Variants in PLA2G12A observed in about 807,000 individuals in gnomAD.
PLA2G12A encodes the protein phospholipase A2 group XIIA, also known as group XIIA secretory phospholipase A2.
In PLA2G12A, 11 loss-of-function variants were observed where a neutral mutation model predicts 16.0. That is an observed-to-expected ratio of 0.69 (90% CI 0.43 to 1.13). The LOEUF (loss-of-function observed/expected upper bound fraction) is 1.13. Ranked by LOEUF, PLA2G12A falls within the 50% of genes most tolerant of loss-of-function variation. The pLI is 0.00. For synonymous variants in PLA2G12A, 77 were observed against 93.8 expected, an observed-to-expected ratio of 0.82 and a Z score of 1.03; for missense variants, 214 against 237.3, an observed-to-expected ratio of 0.90 and a Z score of 0.65.
chr4:109,720,063 A>G (rs2126167246), intron 1 of PLA2G12A, among the ~76,000 whole-genome samples: 1 of 152,356 alleles, frequency 6.6e-6, no homozygotes, highest in African/African-American at 2.4e-5. Context: ...AACCTATTCT[A>G]CTGTGAAATG....
chr4:109,717,675 G>C lies in PLA2G12A; in HGVS notation c.324C>G (p.Asn108Lys). 6.2e-7 allele frequency: 1 copy of C among 1,613,940 alleles called. No homozygotes were observed. The highest frequency in any genetic ancestry group is 8.5e-7 in the Non-Finnish European group (1 of 1,179,868). Reference protein sequence around the residue: ...IGIPSLTKCCNQHDRCYETCG... With the variant: ...IGIPSLTKCCKQHDRCYETCG... Reference sequence around the variant, plus strand: ...AGGTCTCATAGCACCTGTCGTGTTGGTTGCAACACTTTGTCAGGGAAGGGA... The same window carrying C: ...AGGTCTCATAGCACCTGTCGTGTTGCTTGCAACACTTTGTCAGGGAAGGGA... The change falls in exon 3 of 4, where the codon AAC becomes AAG. Residue 108 changes from asparagine (N) to lysine (K), a missense_variant. Coordinates refer to ENST00000243501, the MANE Select transcript of PLA2G12A (RefSeq NM_030821.5).
At chr4:109,720,513 G>C (rs1730903218) in intron 1 of PLA2G12A, among the ~76,000 whole-genome samples, 1 of 142,388 alleles carries the variant, frequency 7.0e-6, no homozygotes. Flanking sequence ...GGGAGGTTGA[G>C]GTGCCTGAGC....
At chr4:109,722,667 A>G (rs1722826251) in intron 1 of PLA2G12A, among the ~76,000 whole-genome samples, 1 of 152,236 alleles carries the variant, frequency 6.6e-6, no homozygotes, top group African/African-American at 2.4e-5. Flanking sequence ...ACCCAGTTTA[A>G]GGCATTTTGT....
At chr4:109,726,517 C>T (rs954004473) in intron 1 of PLA2G12A, among the ~76,000 whole-genome samples, 4 of 152,202 alleles carry the variant, frequency 2.6e-5, no homozygotes, top group Middle Eastern at 3.2e-3. Flanking sequence ...CGTCTTTTGT[C>T]TGGACTCCTG....
chr4:109,729,636 G>C lies in PLA2G12A; in HGVS notation c.174C>G (p.Gly58=). 6 of 1,611,894 alleles carry C rather than the reference G, an allele frequency of 3.7e-6. No individual in the cohort carries two copies. Among genetic ancestry groups the C allele is most frequent in the Non-Finnish European group, 5.1e-6 (6 of 1,179,792 alleles). Residue 58 remains glycine, a synonymous_variant, in exon 1 of 4, where the codon GGC becomes GGG. Coordinates refer to ENST00000243501, the MANE Select transcript of PLA2G12A (RefSeq NM_030821.5). ...ATTTATACTGGCAGAGACCGTCCTC[G>C]CCTCCCAGGAGGTCCAAGGCGGCGT... is the stretch of plus-strand genomic sequence containing the variant. ...YLNAALDLLG[G]EDGLCQYKCS...
At chr4:109,724,084 G>A (rs1353273114) in intron 1 of PLA2G12A, among the ~76,000 whole-genome samples, 2 of 152,072 alleles carry the variant, frequency 1.3e-5, no homozygotes, top group African/African-American at 2.4e-5. Flanking sequence ...ACCGATATGG[G>A]CCTATGGCTT....
chr4:109,715,402 G>T (rs1213954049), intron 3 of PLA2G12A, among the ~76,000 whole-genome samples: 1 of 152,028 alleles, frequency 6.6e-6, no homozygotes, highest in Non-Finnish European at 1.5e-5. Context: ...TTTGACTTGG[G>T]GATATGGGAG....
Position 109,717,595 on chromosome 4 carries a change from A to G in PLA2G12A, c.404T>C (p.Ile135Thr). ...TAGTGTTTTCTGTACATCTCGGCAGATCTTGGAGAGGCAATACTGGAATTC... is the reference window on the plus strand; with the variant it reads ...TAGTGTTTTCTGTACATCTCGGCAGGTCTTGGAGAGGCAATACTGGAATTC... ...DEEFQYCLSKICRDVQKTLGL... is the reference protein window; with the variant it reads ...DEEFQYCLSKTCRDVQKTLGL... Residue 135 changes from isoleucine (I) to threonine (T), a missense_variant, in exon 3 of 4, where the codon ATC becomes ACC. Ile to Thr is a moderately conservative substitution (Grantham distance 89). Coordinates refer to ENST00000243501, the MANE Select transcript of PLA2G12A (RefSeq NM_030821.5). 3.1e-6 allele frequency: 5 copies of G among 1,614,006 alleles called. No homozygotes were observed. Among genetic ancestry groups the G allele is most frequent in the Non-Finnish European group, 4.2e-6 (5 of 1,179,862 alleles).
chr4:109,727,474 T>C (rs1346857498), intron 1 of PLA2G12A, among the ~76,000 whole-genome samples: 1 of 152,166 alleles, frequency 6.6e-6, no homozygotes, highest in African/African-American at 2.4e-5. Flanking sequence ...TGAAACCACA[T>C]GTCCGTTAAA....
At chr4:109,726,679 G>C (rs1323449969) in intron 1 of PLA2G12A, among the ~76,000 whole-genome samples, 2 of 152,128 alleles carry the variant, frequency 1.3e-5, no homozygotes, top group African/African-American at 4.8e-5. Context: ...CCAGTTTTGT[G>C]TTCTATTTTT....
intron 1 of PLA2G12A, 30 bp downstream of exon 1, chr4:109,729,572 A>T (rs749978700): frequency 4.4e-6 from 7 of 1,596,168 alleles, no homozygotes; most frequent in Non-Finnish European, 5.1e-6. Flanking sequence ...CGAAAGCACG[A>T]GCCCTCGCTG....
At position 109,711,052 on chromosome 4, in the gene PLA2G12A, CCTT is replaced by C. The variant is rs1368460504; in HGVS notation, c.*3322_*3324del. 0.024 allele frequency: 2,366 copies of C among 97,240 alleles called. 72 individuals are homozygous for C. The highest frequency in any genetic ancestry group is 0.12 in the African/African-American group (2,250 of 19,544). The allele number at this position is 97,240 out of a possible 1,614,324, so 6.0% of individuals were successfully genotyped here. ...AAGAGCTGCTGACAGTTAGTTCTTGCCTTTTTTTTTTTTTTTTTTTTTTTGCTC... is the reference window on the plus strand; with the variant it reads ...AAGAGCTGCTGACAGTTAGTTCTTGCTTTTTTTTTTTTTTTTTTTTTGCTC... On this transcript the variant is annotated 3_prime_UTR_variant, in exon 4 of 4. Coordinates refer to ENST00000243501, the MANE Select transcript of PLA2G12A (RefSeq NM_030821.5).
At position 109,717,626 on chromosome 4, in the gene PLA2G12A, C is replaced by T. The variant is rs147874129; in HGVS notation, c.373G>A (p.Asp125Asn). 2.5e-6 allele frequency: 4 copies of T among 1,613,600 alleles called. No individual in the cohort carries two copies. In the East Asian group the frequency reaches 8.9e-5, roughly 36 times the overall value. The change falls in exon 3 of 4, where the codon GAT (aspartate) becomes AAT (asparagine). Residue 125 changes from aspartate to asparagine, a missense_variant. By Grantham distance (23) the Asp-to-Asn change is conservative. Transcript: ENST00000243501. ...GAGAGGCAATACTGGAATTCTTCAT[C>T]ACAGTCATTCTTGCTTTTGCCACAG... ...ETCGKSKNDC[D>N]EEFQYCLSKI...
Position 109,712,184 on chromosome 4 carries a change from A to T in PLA2G12A, c.*2193T>A, listed in dbSNP as rs1045670820. 7 of 152,232 alleles carry T rather than the reference A, an allele frequency of 4.6e-5. No homozygotes were observed. The highest frequency in any genetic ancestry group is 1.7e-4 in the African/African-American group (7 of 41,470). The allele number at this position is 152,232 out of a possible 1,614,324, so 9.4% of individuals were successfully genotyped here. A position where few individuals can be genotyped will look rare whatever the true frequency, so the allele number is the denominator to read the frequency against. On this transcript the variant is annotated 3_prime_UTR_variant, in exon 4 of 4. Coordinates refer to ENST00000243501, the MANE Select transcript of PLA2G12A (RefSeq NM_030821.5). ...CAAAGTTCCGTTAATAGTAATTGCC[A>T]TTGCTGGTTACTTAGCTTCTGACAA...
Position 109,729,672 on chromosome 4 carries a change from G to A in PLA2G12A, c.138C>T (p.Asp46=), listed in dbSNP as rs748008362. The A allele has an allele frequency of 1.9e-6, 3 of 1,611,906 alleles. No individual in the cohort carries two copies. The South Asian group carries it at 3.3e-5, about 18-fold the overall frequency. ...KTIRNGVHKI[D]TYLNAALDLL... ...GGTCCAAGGCGGCGTTCAGGTACGT[G>A]TCTATCTTATGAACGCCGTTCCGGA... The change falls in exon 1 of 4, where the codon GAC becomes GAT. Residue 46 remains aspartate (D), a synonymous_variant. Transcript: ENST00000243501.
In PLA2G12A at chr4:109,712,157, G is replaced by C. The variant is rs546243242; in HGVS notation, c.*2220C>G. The C allele has an allele frequency of 6.6e-6, 1 of 152,320 alleles. No individual in the cohort carries two copies. Among genetic ancestry groups the C allele is most frequent in the Non-Finnish European group, 1.5e-5 (1 of 68,040 alleles). 9.4% of individuals were successfully genotyped at this position (152,320 alleles called of 1,614,324 possible). On this transcript the variant is annotated 3_prime_UTR_variant, in exon 4 of 4. Transcript: ENST00000243501. ...AAACTAGTACAATCTGAAAAATAAA[G>C]TCAAAGTTCCGTTAATAGTAATTGC... is the stretch of plus-strand genomic sequence containing the variant.
At chr4:109,716,914 G>A (rs1054818335) in intron 3 of PLA2G12A, among the ~76,000 whole-genome samples, 1 of 152,158 alleles carries the variant, frequency 6.6e-6, no homozygotes, top group Non-Finnish European at 1.5e-5. Context: ...AATTTATGTT[G>A]AAATCCTAAC....
Position 109,711,428 on chromosome 4 carries a change from A to G in PLA2G12A, c.*2949T>C, listed in dbSNP as rs1180755495. 2.0e-5 allele frequency: 3 copies of G among 152,260 alleles called. No individual in the cohort carries two copies. The East Asian group carries it at 5.8e-4, about 29-fold the overall frequency. The allele number at this position is 152,260 out of a possible 1,614,324, so 9.4% of individuals were successfully genotyped here. A position where few individuals can be genotyped will look rare whatever the true frequency, so the allele number is the denominator to read the frequency against. ...CAGGGAATATCCAAGATGAACCTGG[A>G]GCATCTTGTAGTGCCAGAAAGTAAG... is the stretch of plus-strand genomic sequence containing the variant. On this transcript the variant is annotated 3_prime_UTR_variant, in exon 4 of 4. Coordinates refer to ENST00000243501, the MANE Select transcript of PLA2G12A (RefSeq NM_030821.5).
In PLA2G12A at chr4:109,710,325, T is replaced by C. The variant is rs1183705950; in HGVS notation, c.*4052A>G. 6.6e-6 allele frequency: 1 copy of C among 152,268 alleles called. No homozygotes were observed. The highest frequency in any genetic ancestry group is 1.9e-4 in the East Asian group (1 of 5,202). The allele number at this position is 152,268 out of a possible 1,614,324, so 9.4% of individuals were successfully genotyped here. A position where few individuals can be genotyped will look rare whatever the true frequency, so the allele number is the denominator to read the frequency against. ...TATAGAAAGATTCCATCTTCTTTAC[T>C]GTTAGATGTTATACGTGTCTTGTAC... is the stretch of plus-strand genomic sequence containing the variant. On this transcript the variant is annotated 3_prime_UTR_variant, in exon 4 of 4. Coordinates refer to ENST00000243501, the MANE Select transcript of PLA2G12A (RefSeq NM_030821.5).
Sources: allele counts gnomAD v4.1 joint callset (sites outside exome capture counted in the v4.1 genomes callset), GRCh38; gene constraint gnomAD v4.1.1; transcripts MANE v1.5; gene names NCBI Gene and HGNC (gene_info 2026-07-23, HGNC 2026-07-21).